Variants in C13orf42 observed in about 807,000 individuals in gnomAD.
C13orf42 encodes the protein uncharacterized protein C13orf42.
chr13:51,109,809 T>C (rs1205224081), intron 1 of C13orf42, among the ~76,000 whole-genome samples: 1 of 152,104 alleles, frequency 6.6e-6, no homozygotes, highest in African/African-American at 2.4e-5. Flanking sequence ...AATTGCCGGC[T>C]CATAATTAAA....
At chr13:51,147,938 G>A (rs933276997) in intron 1 of C13orf42, among the ~76,000 whole-genome samples, 2 of 148,712 alleles carry the variant, frequency 1.3e-5, no homozygotes, top group Admixed American at 6.6e-5. Flanking sequence ...GAGAAGCCCC[G>A]GATTAGGGGA....
Position 51,170,555 on chromosome 13 carries a change from C to T in C13orf42, n.136+1698G>A, listed in dbSNP as rs1056956505. Among the ~76,000 whole-genome samples the T allele has an allele frequency of 2.6e-5, 4 of 152,166 alleles. No individual in the cohort carries two copies. The South Asian group carries it at 6.2e-4, about 24-fold the overall frequency. On this transcript the variant is annotated intron_variant and non_coding_transcript_variant, in intron 1 of 4. Transcript: ENST00000433280. ...ATCTTGGCGCCACACTTCAATCTCT[C>T]CCTTCTCTTAATTTCAATTCCTTTC...
chr13:51,146,870 T>C (rs992904087), intron 1 of C13orf42, among the ~76,000 whole-genome samples: 2 of 152,194 alleles, frequency 1.3e-5, no homozygotes, highest in African/African-American at 4.8e-5. Flanking sequence ...CCTTTCACAT[T>C]GCCCAGAGCT....
At chr13:51,113,426 C>T (rs563356944), upstream of C13orf42, among the ~76,000 whole-genome samples, 2 of 152,338 alleles carry the variant, frequency 1.3e-5, no homozygotes, top group Admixed American at 1.3e-4. Context: ...TTTCTCCCTA[C>T]AAAATACTCG....
At chr13:51,119,075 T>TGTGCCCAGGTGTATGGC (rs1309656361) in intron 1 of C13orf42, among the ~76,000 whole-genome samples, 2 of 150,622 alleles carry the variant, frequency 1.3e-5, no homozygotes, top group East Asian at 3.9e-4. Context: ...TGGTGTATGG[T>TGTGCCCAGGTGTATGGC]GTGCCCAGGT....
chr13:51,164,482 T>C, intron 1 of C13orf42, among the ~76,000 whole-genome samples: 1 of 152,066 alleles, frequency 6.6e-6, no homozygotes, highest in East Asian at 1.9e-4. Context: ...GGCAACATAG[T>C]GAGACCCCCA....
At chr13:51,087,827 C>T (rs141603281) in intron 2 of C13orf42, 101 bp downstream of exon 2, 5,724 of 396,960 alleles carry the variant, frequency 0.014, 61 homozygotes, top group South Asian at 0.03. Context: ...TCCTGATGGC[C>T]TATTCTATAA....
intron 1 of C13orf42, among the ~76,000 whole-genome samples, chr13:51,134,913 C>T (rs1322559695): frequency 6.6e-6 from 1 of 152,212 alleles, no homozygotes; most frequent in African/African-American, 2.4e-5. Context: ...ATGGAGCCAC[C>T]AGCCGCAGCG....
chr13:51,141,210 C>CT lies in C13orf42; in HGVS notation n.137-27989dup, dbSNP rs1262944362. On this transcript the variant is annotated intron_variant and non_coding_transcript_variant, in intron 1 of 4. Transcript: ENST00000433280. ...TTGTTTTTCTCTCCTAAGACCTTGT[C>CT]TTTTTTTTTGAGCCAAAGGTTTTTT... Among the ~76,000 whole-genome samples, 418 of 136,200 alleles carry CT rather than the reference C, an allele frequency of 3.1e-3. 3 individuals are homozygous for CT. The highest frequency in any genetic ancestry group is 0.01 in the African/African-American group (373 of 36,808). 89.4% of individuals were successfully genotyped at this position (136,200 alleles called of 152,430 possible).
At chr13:51,137,951 C>G (rs571307613) in intron 1 of C13orf42, among the ~76,000 whole-genome samples, 1 of 152,302 alleles carries the variant, frequency 6.6e-6, no homozygotes, top group South Asian at 2.1e-4. Context: ...TACTGTCTAC[C>G]ATTCTTCAGC....
chr13:51,115,132 T>C (rs1953477611), upstream of C13orf42, among the ~76,000 whole-genome samples: 2 of 152,234 alleles, frequency 1.3e-5, no homozygotes, highest in Admixed American at 1.3e-4. Context: ...TACTTCACAG[T>C]TCCCAGCATA....
chr13:51,127,580 CAA>C (rs1016199250), intron 1 of C13orf42, among the ~76,000 whole-genome samples: 2 of 152,136 alleles, frequency 1.3e-5, no homozygotes, highest in Admixed American at 1.3e-4. Context: ...GCAAACACTG[CAA>C]AGTGTTACCT....
chr13:51,138,483 C>A (rs1003230081), intron 1 of C13orf42, among the ~76,000 whole-genome samples: 1 of 150,976 alleles, frequency 6.6e-6, no homozygotes, highest in Non-Finnish European at 1.5e-5. Context: ...TGTCACTCAT[C>A]ATCAGAAAAA....
intron 1 of C13orf42, among the ~76,000 whole-genome samples, chr13:51,134,932 T>C (rs931979728): frequency 6.6e-6 from 1 of 152,196 alleles, no homozygotes; most frequent in Non-Finnish European, 1.5e-5. Flanking sequence ...CGGGGTAAGA[T>C]TGAGAGTCCA....
intron 1 of C13orf42, among the ~76,000 whole-genome samples, chr13:51,142,100 A>G (rs1347223046): frequency 6.6e-6 from 1 of 152,254 alleles, no homozygotes; most frequent in Non-Finnish European, 1.5e-5. Flanking sequence ...TAAATAAGAC[A>G]TTGATACAGG....
intron 1 of C13orf42, among the ~76,000 whole-genome samples, chr13:51,100,160 T>C (rs749931881): frequency 2.6e-5 from 4 of 151,976 alleles, no homozygotes; most frequent in Non-Finnish European, 5.9e-5. Context: ...GACAAAGGGA[T>C]TGGTTTTTTT....
chr13:51,168,298 C>T (rs937915903), intron 1 of C13orf42, among the ~76,000 whole-genome samples: 2 of 152,230 alleles, frequency 1.3e-5, no homozygotes, highest in African/African-American at 4.8e-5. Context: ...CAGTTTCTCA[C>T]TGTCTGGTAA....
At chr13:51,152,314 T>C (rs1253635439) in intron 1 of C13orf42, among the ~76,000 whole-genome samples, 2 of 152,234 alleles carry the variant, frequency 1.3e-5, no homozygotes, top group Non-Finnish European at 2.9e-5. Context: ...CTTTATTTTA[T>C]AAACACTTGG....
At chr13:51,096,009 C>T (rs1408609672) in intron 1 of C13orf42, among the ~76,000 whole-genome samples, 1 of 152,004 alleles carries the variant, frequency 6.6e-6, no homozygotes, top group East Asian at 1.9e-4. Context: ...TTTGGCTAGG[C>T]CTTTAGTTTG....
Sources: gnomAD v4.1 joint callset for allele counts (sites outside exome capture counted in the v4.1 genomes callset) on GRCh38, gnomAD v4.1.1 for gene constraint, MANE v1.5 for transcripts, NCBI Gene and HGNC (gene_info 2026-07-23, HGNC 2026-07-21) for gene names.